The following RMDN2 variants were observed in gnomAD, a reference collection of about 807,000 sequenced individuals.
RMDN2 encodes regulator of microtubule dynamics 2.
A neutral mutation model predicts 52.8 loss-of-function variants in RMDN2; 61 were observed. That is an observed-to-expected ratio of 1.16 (90% CI 0.94 to 1.43). The LOEUF is 1.43. Among genes scored for constraint, RMDN2 ranks in the 40% most tolerant of loss-of-function variants. The pLI is 0.00. For synonymous variants in RMDN2, 180 were observed against 153.1 expected (o/e 1.18, Z -1.30); for missense variants, 592 against 475.3 (o/e 1.25, Z -2.28).
At chr2:37,923,762 T>C (rs1033066909), upstream of RMDN2, among the ~76,000 whole-genome samples, 1 of 152,210 alleles carries the variant, frequency 6.6e-6, no homozygotes, top group Non-Finnish European at 1.5e-5. Flanking sequence ...TTTTTGCTCT[T>C]GTTTTTTGAG....
chr2:38,048,328 C>T (rs1274418050), intron 10 of RMDN2, among the ~76,000 whole-genome samples: 1 of 152,180 alleles, frequency 6.6e-6, no homozygotes, highest in Non-Finnish European at 1.5e-5. Flanking sequence ...GATATGGGCC[C>T]CAGAAGAACA....
chr2:37,963,979 C>A (rs1243166159), intron 2 of RMDN2, among the ~76,000 whole-genome samples: 1 of 149,976 alleles, frequency 6.7e-6, no homozygotes, highest in African/African-American at 2.5e-5. Flanking sequence ...GGCGGCTGGC[C>A]GGGCGGGGGC....
At chr2:37,995,329 A>ACTACTACTACTACTG (rs1282076252) in intron 7 of RMDN2, among the ~76,000 whole-genome samples, 6 of 136,004 alleles carry the variant, frequency 4.4e-5, no homozygotes, top group Non-Finnish European at 8.9e-5. Context: ...GATGACTACT[A>ACTACTACTACTACTG]CTACTACTAC....
At chr2:37,929,235 C>A (rs1229681163) in intron 1 of RMDN2, 27 bp from the exon 2 acceptor site, 1 of 1,275,108 alleles carries the variant, frequency 7.8e-7, no homozygotes. Context: ...AAACAACATT[C>A]ATTTACATTT....
chr2:37,966,282 TG>T (rs1671037160), intron 2 of RMDN2, among the ~76,000 whole-genome samples: 1 of 152,058 alleles, frequency 6.6e-6, no homozygotes, highest in South Asian at 2.1e-4. Context: ...CCAGGTGTGG[TG>T]GCAGGCACCT....
intron 2 of RMDN2, chr2:37,951,709 CT>C: frequency 6.2e-7 from 1 of 1,612,626 alleles, no homozygotes; most frequent in South Asian, 1.1e-5. Flanking sequence ...TTTTCTAAAA[CT>C]TCAAGTAATA....
chr2:38,049,852 G>A (rs61219990), intron 10 of RMDN2, among the ~76,000 whole-genome samples: 1 of 152,032 alleles, frequency 6.6e-6, no homozygotes, highest in African/African-American at 2.4e-5. Flanking sequence ...TACAGGTGAT[G>A]ACAAGATTAT....
chr2:37,984,207 T>A (rs1160632647), intron 5 of RMDN2, among the ~76,000 whole-genome samples: 1 of 152,236 alleles, frequency 6.6e-6, no homozygotes, highest in Non-Finnish European at 1.5e-5. Context: ...TAAGGCTGTA[T>A]ATGCTTTCTA....
intron 10 of RMDN2, among the ~76,000 whole-genome samples, chr2:38,041,038 C>T (rs878909828): frequency 6.6e-6 from 1 of 152,122 alleles, no homozygotes; most frequent in African/African-American, 2.4e-5. Context: ...TATAGGAAAG[C>T]AATTGACTTT....
At position 37,975,289 on chromosome 2, in the gene RMDN2, A is replaced by G. The variant is rs760411844; in HGVS notation, c.705A>G (p.Gln235=). The change falls in exon 4 of 11, where the codon CAA becomes CAG. Residue 235 remains glutamine (Q), a synonymous_variant. Coordinates refer to ENST00000354545, the MANE Select transcript of RMDN2 (RefSeq NM_001170791.3). ...GDMYELSTNT[Q]EKKHYANIGK... ...TGTATGAACTATCTACAAACACACA[A>G]GAAAAGAAACATTATGCTAATATTG... 1.2e-6 allele frequency: 2 copies of G among 1,601,898 alleles called. No homozygotes were observed. The highest frequency in any genetic ancestry group is 1.1e-5 in the South Asian group (1 of 90,628).
At chr2:38,010,032 C>T (rs985568911) in intron 10 of RMDN2, among the ~76,000 whole-genome samples, 3 of 152,154 alleles carry the variant, frequency 2.0e-5, no homozygotes, top group Non-Finnish European at 2.9e-5. Context: ...AGTGGATATT[C>T]GTGAGCAGCA....
chr2:37,997,518 C>T lies in RMDN2; in HGVS notation c.1044+4C>T. On this transcript the variant is annotated splice_donor_region_variant and intron_variant, in intron 8 of 10. Transcript: ENST00000354545. ...AGCTTTACACAATTTCCTTAAGGTACATTTTGTGTATCCATTATTTTAGTG... is the reference window on the plus strand; with the variant it reads ...AGCTTTACACAATTTCCTTAAGGTATATTTTGTGTATCCATTATTTTAGTG... The T allele has an allele frequency of 6.4e-7, 1 of 1,564,750 alleles. No homozygotes were observed. The highest frequency in any genetic ancestry group is 8.8e-7 in the Non-Finnish European group (1 of 1,135,334).
chr2:37,978,509 A>T (rs1422761797), intron 4 of RMDN2, among the ~76,000 whole-genome samples: 1 of 152,090 alleles, frequency 6.6e-6, no homozygotes, highest in Non-Finnish European at 1.5e-5. Context: ...TACAAAAACG[A>T]ATGGAAATAA....
rs563909968 is a variant in RMDN2, at chr2:38,064,186, T to C, written c.1714-2796T>C. Among the ~76,000 whole-genome samples the C allele has an allele frequency of 4.6e-5, 7 of 152,296 alleles. No individual in the cohort carries two copies. In the South Asian group the frequency reaches 1.2e-3, roughly 27 times the overall value. On this transcript the variant is annotated intron_variant, in intron 10 of 10. Coordinates refer to the RMDN2 transcript ENST00000234195. ...ACCTAAAAACCTTGAATAAGCTCAA[T>C]TTGTAAGCAAAGAGAAGAAACTGAG... is the stretch of plus-strand genomic sequence containing the variant.
intron 10 of RMDN2, among the ~76,000 whole-genome samples, chr2:38,013,793 G>T (rs930440840): frequency 1.3e-5 from 2 of 152,154 alleles, no homozygotes; most frequent in Non-Finnish European, 2.9e-5. Context: ...ATCCTGTAAT[G>T]TTGTCTCATT....
chr2:37,966,085 G>T (rs1350828706), intron 2 of RMDN2, among the ~76,000 whole-genome samples: 1 of 152,030 alleles, frequency 6.6e-6, no homozygotes, highest in South Asian at 2.1e-4. Flanking sequence ...GATATTCTTG[G>T]TGTGGATCTT....
intron 10 of RMDN2, among the ~76,000 whole-genome samples, chr2:38,013,179 G>A (rs944520886): frequency 1.3e-4 from 20 of 152,188 alleles, no homozygotes; most frequent in Admixed American, 1.2e-3. Flanking sequence ...GTGTGAGAAC[G>A]ATTGCTGAAT....
At chr2:38,011,447 C>T (rs1447980212) in intron 10 of RMDN2, among the ~76,000 whole-genome samples, 1 of 152,088 alleles carries the variant, frequency 6.6e-6, no homozygotes, top group Non-Finnish European at 1.5e-5. Context: ...CACTATCATC[C>T]TCTAAATCAT....
chr2:37,994,580 A>G (rs1470351358), intron 7 of RMDN2, among the ~76,000 whole-genome samples: 2 of 152,236 alleles, frequency 1.3e-5, no homozygotes, highest in African/African-American at 4.8e-5. Context: ...GTGGTAAGCA[A>G]GCATATGAAA....
Sources: allele counts gnomAD v4.1 joint callset (sites outside exome capture counted in the v4.1 genomes callset), GRCh38; gene constraint gnomAD v4.1.1; transcripts MANE v1.5; gene names NCBI Gene and HGNC (gene_info 2026-07-23, HGNC 2026-07-21).